CNOT1: variants seen among roughly 807,000 people sequenced by gnomAD.
CNOT1 encodes CCR4-associated factor 1.
In CNOT1, 15 loss-of-function variants were observed where a neutral mutation model predicts 273.8. The ratio of observed to expected loss-of-function variants is 0.05; its 90% CI spans 0.04 to 0.08. CNOT1 has a LOEUF of 0.08. Ranked by LOEUF, CNOT1 falls within the 10% of genes least tolerant of loss-of-function variation. The probability of loss-of-function intolerance (pLI) is 1.00; values close to 1 mark genes in which losing one functional copy is unlikely to be tolerated. For missense variants in CNOT1, 1,644 were observed against 2,912.2 expected (o/e 0.56, Z 10.02); for synonymous variants, 1,022 against 1,005.5 (o/e 1.02, Z -0.31).
chr16:58,537,294 T>C, intron 38 of CNOT1, 74 bp from the exon 39 acceptor site: 1 of 1,508,112 alleles, frequency 6.6e-7, no homozygotes, highest in Non-Finnish European at 8.9e-7. Context: ...ATGTATAGTT[T>C]GCTTATTTAA....
intron 40 of CNOT1, among the ~76,000 whole-genome samples, chr16:58,533,490 G>A (rs1471486109): frequency 6.6e-6 from 1 of 152,202 alleles, no homozygotes; most frequent in Non-Finnish European, 1.5e-5. Context: ...TAAAAAATTA[G>A]CCGGGCGCGG....
intron 1 of CNOT1, among the ~76,000 whole-genome samples, chr16:58,621,199 T>C (rs1055262242): frequency 3.3e-5 from 5 of 152,080 alleles, no homozygotes; most frequent in Non-Finnish European, 7.4e-5. Context: ...TCGGCTTAAG[T>C]GATTTGTACA....
At chr16:58,606,456 T>C (rs1329529527) in intron 1 of CNOT1, among the ~76,000 whole-genome samples, 1 of 152,126 alleles carries the variant, frequency 6.6e-6, no homozygotes, top group African/African-American at 2.4e-5. Flanking sequence ...CCATTCTCAG[T>C]ACTTTTCCTA....
At chr16:58,528,408 TCTA>T (rs1425630429) in intron 44 of CNOT1, 64 bp downstream of exon 44, 5 of 1,123,352 alleles carry the variant, frequency 4.5e-6, no homozygotes, top group Non-Finnish European at 6.7e-6. Context: ...TGCTGAACAG[TCTA>T]CTTATCAGAG....
At chr16:58,532,588 T>C (rs1265523406) in intron 40 of CNOT1, 193 bp from the exon 41 acceptor site, 2 of 974,710 alleles carry the variant, frequency 2.1e-6, no homozygotes, top group East Asian at 5.5e-5. Context: ...GTGTTTTGTG[T>C]GTTTCTTTGC....
At chr16:58,541,726 A>C (rs189033370) in intron 33 of CNOT1, 106 bp from the exon 34 acceptor site, 1 of 1,062,930 alleles carries the variant, frequency 9.4e-7, no homozygotes, top group East Asian at 2.4e-5. Context: ...CACAAGAGTC[A>C]TTACAACATA....
rs188126889 is a variant in CNOT1 at position 58,575,126 on chromosome 16, A to G, written c.1708T>C (p.Leu570=). The stretch of plus-strand genomic sequence containing the variant: ...GGAGTACCATTTAGCAGCATTGACA[A>G]GGCCTAAAGGACAAAGCACATTAGA... ...ILDVAQDLKA[L]SMLLNGTPFA... Residue 570 remains leucine, a synonymous_variant, in exon 15 of 49, where the codon TTG becomes CTG. Coordinates refer to ENST00000317147, the MANE Select transcript of CNOT1 (RefSeq NM_016284.5). 3 of 1,613,240 alleles carry G rather than the reference A, an allele frequency of 1.9e-6. No homozygotes were observed. The East Asian group carries it at 6.7e-5, about 36-fold the overall frequency.
In CNOT1 at chr16:58,551,715, C is replaced by T; in HGVS notation, c.3075G>A (p.Gln1025=). The change falls in exon 23 of 49, where the codon CAG becomes CAA. Residue 1025 remains glutamine, a synonymous_variant. Transcript: ENST00000317147. The stretch of plus-strand genomic sequence containing the variant: ...CAGCAAGAGGAGCTTTTGCTGGAAC[C>T]TGGGCCTGAGCCTGGGCCTGAGCCA... The part of the protein sequence containing the change: ...IALAQAQAQA[Q]VPAKAPLAGQ... The T allele has an allele frequency of 6.2e-7, 1 of 1,614,070 alleles. No homozygotes were observed. The highest frequency in any genetic ancestry group is 8.5e-7 in the Non-Finnish European group (1 of 1,179,974).
intron 24 of CNOT1, 48 bp downstream of exon 24, chr16:58,551,084 C>T: frequency 6.3e-7 from 1 of 1,596,678 alleles, no homozygotes; most frequent in Non-Finnish European, 8.5e-7. Context: ...ATCCTTTAGT[C>T]CATTAAGGAA....
intron 16 of CNOT1, among the ~76,000 whole-genome samples, chr16:58,568,260 C>T (rs923680990): frequency 1.3e-5 from 2 of 151,792 alleles, no homozygotes; most frequent in Non-Finnish European, 2.9e-5. Context: ...CCTAGCTACT[C>T]GGGAGGCTGA....
chr16:58,588,175 T>C (rs1038478677), intron 3 of CNOT1, among the ~76,000 whole-genome samples: 2 of 152,042 alleles, frequency 1.3e-5, no homozygotes, highest in African/African-American at 4.8e-5. Flanking sequence ...GCCAGATGCC[T>C]ATAATCTCAG....
chr16:58,597,740 C>T (rs977161297), intron 2 of CNOT1: 2 of 510,672 alleles, frequency 3.9e-6, no homozygotes, highest in African/African-American at 1.9e-5. Context: ...GTGATGGTGG[C>T]CCACCAAGTA....
intron 30 of CNOT1, among the ~76,000 whole-genome samples, chr16:58,544,977 T>C (rs907582345): frequency 8.5e-5 from 13 of 152,188 alleles, no homozygotes; most frequent in Admixed American, 5.9e-4. Flanking sequence ...TCAGCTCATT[T>C]CCAGCCTTCA....
chr16:58,573,904 T>A (rs752621828), intron 16 of CNOT1, among the ~76,000 whole-genome samples: 1 of 152,052 alleles, frequency 6.6e-6, no homozygotes, highest in Non-Finnish European at 1.5e-5. Context: ...TGAAAACCTA[T>A]TGTGATCAAG....
At chr16:58,588,724 T>C (rs1308581696) in intron 3 of CNOT1, 75 bp downstream of exon 3, 33 of 1,540,316 alleles carry the variant, frequency 2.1e-5, no homozygotes, top group Non-Finnish European at 2.9e-5. Flanking sequence ...ACGTGTCATA[T>C]GCTACATACA....
chr16:58,531,737 C>T (rs1180362215), intron 42 of CNOT1, among the ~76,000 whole-genome samples: 1 of 152,058 alleles, frequency 6.6e-6, no homozygotes, highest in African/African-American at 2.4e-5. Context: ...ACACAGGTGG[C>T]CCACAACTGA....
At chr16:58,542,013 T>C (rs1364399260) in intron 33 of CNOT1, among the ~76,000 whole-genome samples, 1 of 152,182 alleles carries the variant, frequency 6.6e-6, no homozygotes, top group Non-Finnish European at 1.5e-5. Flanking sequence ...CTCCTTAGAG[T>C]AATAACACTT....
In CNOT1 at chr16:58,545,467, T is replaced by G. The variant is rs752211632; in HGVS notation, c.4031A>C (p.Asn1344Thr). Residue 1344 changes from asparagine to threonine, a missense_variant, in exon 30 of 49, where the codon AAC (asparagine) becomes ACC (threonine). This residue lies in a region of CNOT1 where 52 missense variants were observed against 50.2 expected (regional missense o/e 1.04). Transcript: ENST00000317147. ...TGGAACCGTGGCTGTACAAGTGGTG[T>G]TGGTAGCTGGTGTAGTAGAAGTTGC... is the stretch of plus-strand genomic sequence containing the variant. ...TTTTSTTPAT[N>T]TTCTATVPPQ... The G allele has an allele frequency of 6.2e-7, 1 of 1,614,092 alleles. No individual in the cohort carries two copies. Among genetic ancestry groups the G allele is most frequent in the Non-Finnish European group, 8.5e-7 (1 of 1,179,958 alleles).
At chr16:58,606,384 G>A (rs553333865) in intron 1 of CNOT1, among the ~76,000 whole-genome samples, 24 of 70,808 alleles carry the variant, frequency 3.4e-4, no homozygotes, top group Middle Eastern at 0.022. Context: ...GTGAGACCCC[G>A]TCCCTTAAAA....
Sources: allele counts gnomAD v4.1 joint callset (sites outside exome capture counted in the v4.1 genomes callset), GRCh38; gene constraint gnomAD v4.1.1; regional missense constraint gnomAD v4.1.1; transcripts MANE v1.5; gene names NCBI Gene and HGNC (gene_info 2026-07-23, HGNC 2026-07-21).